PPA1: variants seen among roughly 807,000 people sequenced by gnomAD.
The protein encoded by PPA1 is inorganic pyrophosphatase 1.
Under a neutral mutation model 41.8 loss-of-function variants are expected in PPA1, and 23 were observed. That is an observed-to-expected ratio of 0.55 (90% CI 0.40 to 0.78). PPA1 has a LOEUF of 0.78. Among genes scored for constraint, PPA1 ranks in the 30% least tolerant of loss-of-function variants. The pLI, the probability that PPA1 is intolerant of heterozygous loss-of-function variation, is 0.00. For synonymous variants in PPA1, 101 were observed against 116.8 expected, an observed-to-expected ratio of 0.86 and a Z score of 0.87; for missense variants, 320 against 361.6, an observed-to-expected ratio of 0.89 and a Z score of 0.93.
intron 2 of PPA1, among the ~76,000 whole-genome samples, chr10:70,227,464 AC>A (rs1840241701): frequency 6.6e-6 from 1 of 152,190 alleles, no homozygotes; most frequent in Admixed American, 6.5e-5. Context: ...AGCCTGGGCA[AC>A]ATAGGGAAAC....
rs988873886 is a variant in PPA1, at chr10:70,233,372, C to G, written c.-45G>C. 18 of 1,526,644 alleles carry G rather than the reference C, an allele frequency of 1.2e-5. No homozygotes were observed. The highest frequency in any genetic ancestry group is 1.5e-5 in the Non-Finnish European group (17 of 1,140,386). 94.6% of individuals were successfully genotyped at this position (1,526,644 alleles called of 1,614,324 possible). ...CGCCGCTGCCACAGAGCCACCAGCC[C>G]GCACGCGGCGCCGACTGACAAGGAG... On this transcript the variant is annotated 5_prime_UTR_variant, in exon 1 of 11. Coordinates refer to ENST00000373232, the MANE Select transcript of PPA1 (RefSeq NM_021129.4).
At chr10:70,230,269 T>C (rs990600527) in intron 2 of PPA1, 72 bp downstream of exon 2, 2 of 1,525,202 alleles carry the variant, frequency 1.3e-6, no homozygotes, top group Admixed American at 1.8e-5. Context: ...TTGAGAGACA[T>C]ATAAGAAAAT....
At chr10:70,206,758 C>T (rs544841548) in intron 8 of PPA1, among the ~76,000 whole-genome samples, 88 of 150,948 alleles carry the variant, frequency 5.8e-4, no homozygotes, top group South Asian at 1.7e-3. Flanking sequence ...GCAGGAGAAT[C>T]GCTTGAATCT....
chr10:70,226,125 AAC>A (rs1424890941), intron 2 of PPA1, among the ~76,000 whole-genome samples: 1 of 152,216 alleles, frequency 6.6e-6, no homozygotes, highest in African/African-American at 2.4e-5. Flanking sequence ...AAGAAATTAA[AAC>A]ACATACACAC....
At chr10:70,221,066 ATATATATATATTTTTTT>A (rs1840158416) in intron 2 of PPA1, among the ~76,000 whole-genome samples, 1 of 15,902 alleles carries the variant, frequency 6.3e-5, no homozygotes, top group African/African-American at 4.6e-4. Flanking sequence ...ATTTATATAT[ATATATATATATTTTTTT>A]TTTTTTTTTT....
At chr10:70,216,967 G>A (rs1412640886) in intron 4 of PPA1, among the ~76,000 whole-genome samples, 1 of 152,048 alleles carries the variant, frequency 6.6e-6, no homozygotes, top group Non-Finnish European at 1.5e-5. Flanking sequence ...AGGAGATCGA[G>A]ACCATCTGGC....
rs1171316559 is a variant in PPA1, at chr10:70,214,588, TA to T, written c.298-3del. 1 of 1,608,074 alleles carries T rather than the reference TA, an allele frequency of 6.2e-7. No homozygotes were observed. The highest frequency in any genetic ancestry group is 8.5e-7 in the Non-Finnish European group (1 of 1,174,758). ...ATTGTGCCCTGGGTCTTCCCAAGTC[TA>T]AAAATATAAGACAGTGTATATCATT... On this transcript the variant is annotated splice_polypyrimidine_tract_variant and splice_region_variant and intron_variant, in intron 4 of 10. Transcript: ENST00000373232.
intron 8 of PPA1, among the ~76,000 whole-genome samples, chr10:70,208,041 T>G (rs939566920): frequency 1.3e-5 from 2 of 151,656 alleles, no homozygotes; most frequent in African/African-American, 4.8e-5. Context: ...AATACAAAAA[T>G]TAGCCGGGCG....
At chr10:70,213,341 G>C in intron 6 of PPA1, 122 bp downstream of exon 6, 1 of 1,178,258 alleles carries the variant, frequency 8.5e-7, no homozygotes, top group Middle Eastern at 3.0e-4. Flanking sequence ...CTTGTCCAGT[G>C]CTTTGTTCCT....
Position 70,209,896 on chromosome 10 carries a change from A to G in PPA1, c.512-211T>C, listed in dbSNP as rs191505695. The stretch of plus-strand genomic sequence containing the variant: ...TTGAGAAGAGAAGCCATACACATAT[A>G]CATTGAAAGAAAATCATCTAGTATC... On this transcript the variant is annotated intron_variant, in intron 6 of 10. Transcript: ENST00000373232. 1.4e-3 allele frequency: 729 copies of G among 537,882 alleles called. 7 individuals are homozygous for G. Among genetic ancestry groups the G allele is most frequent in the African/African-American group, 0.013 (681 of 52,164 alleles). The allele number at this position is 537,882 out of a possible 1,614,324, so 33.3% of individuals were successfully genotyped here.
intron 2 of PPA1, among the ~76,000 whole-genome samples, chr10:70,221,026 T>A (rs76809526): frequency 0.23 from 13,828 of 59,660 alleles, 2,295 homozygotes; most frequent in Non-Finnish European, 0.29. Context: ...TTTATATATA[T>A]AATATATATA....
chr10:70,233,389 G>A lies in PPA1; in HGVS notation c.-62C>T. ...CACCAGCCCGCACGCGGCGCCGACT[G>A]ACAAGGAGAGAGCCCCACGCCTGCG... On this transcript the variant is annotated 5_prime_UTR_variant, in exon 1 of 11. Coordinates refer to ENST00000373232, the MANE Select transcript of PPA1 (RefSeq NM_021129.4). 2 of 1,521,168 alleles carry A rather than the reference G, an allele frequency of 1.3e-6. No individual in the cohort carries two copies. The highest frequency in any genetic ancestry group is 1.8e-6 in the Non-Finnish European group (2 of 1,138,998). The allele number at this position is 1,521,168 out of a possible 1,614,324, so 94.2% of individuals were successfully genotyped here.
intron 4 of PPA1, among the ~76,000 whole-genome samples, chr10:70,216,010 C>T (rs1352909922): frequency 1.3e-5 from 2 of 151,926 alleles, no homozygotes; most frequent in African/African-American, 2.4e-5. Flanking sequence ...AACTAGAACA[C>T]GTTACTCAGA....
In PPA1 at chr10:70,209,670, T is replaced by C. The variant is rs771263634; in HGVS notation, c.527A>G (p.Lys176Arg). The change falls in exon 7 of 11, where the codon AAA (lysine) becomes AGA (arginine). Residue 176 changes from lysine to arginine, a missense_variant. Physicochemically the swap from Lys to Arg is conservative, Grantham distance 26 (BLOSUM62 2). Transcript: ENST00000373232. ...AANYNDINDV[K>R]RLKPGYLEAT... ...TTCTAAGTAGCCAGGTTTCAGCCGT[T>C]TGACATCATTGATATCTAAGAAGAG... The C allele has an allele frequency of 2.5e-6, 4 of 1,598,018 alleles. No individual in the cohort carries two copies. Among genetic ancestry groups the C allele is most frequent in the Non-Finnish European group, 3.4e-6 (4 of 1,169,430 alleles).
At chr10:70,205,411 T>A (rs1839927962) in intron 9 of PPA1, 1 of 152,106 alleles carries the variant, frequency 6.6e-6, no homozygotes, top group Non-Finnish European at 1.5e-5. Flanking sequence ...CTTGACTTTT[T>A]ATGACATGCA....
chr10:70,218,882 C>G (rs986898990), intron 2 of PPA1, 65 bp from the exon 3 acceptor site: 3 of 1,158,150 alleles, frequency 2.6e-6, no homozygotes, highest in Non-Finnish European at 3.9e-6. Context: ...GGAGCATGCA[C>G]TATTTCTTCC....
chr10:70,211,000 T>C (rs1840012300), intron 6 of PPA1, among the ~76,000 whole-genome samples: 1 of 152,168 alleles, frequency 6.6e-6, no homozygotes, highest in South Asian at 2.1e-4. Flanking sequence ...CCTGACCTCA[T>C]GATTCGCCTG....
rs1839899695 is a variant in PPA1 at position 70,203,008 on chromosome 10, T to C, written c.*147A>G. The C allele has an allele frequency of 1.3e-6, 1 of 768,408 alleles. No homozygotes were observed. The highest frequency in any genetic ancestry group is 2.2e-6 in the Non-Finnish European group (1 of 457,296). 47.6% of individuals were successfully genotyped at this position (768,408 alleles called of 1,614,324 possible). A position where few individuals can be genotyped will look rare whatever the true frequency, so the allele number is the denominator to read the frequency against. On this transcript the variant is annotated 3_prime_UTR_variant, in exon 11 of 11. Transcript: ENST00000373232. ...AAAATGCTTTAGATGGATAACATTC[T>C]GAGTATATTGGATTAGTCACAGCAG...
intron 3 of PPA1, 32 bp from the exon 4 acceptor site, chr10:70,217,963 T>G (rs1379981092): frequency 6.7e-7 from 1 of 1,501,868 alleles, no homozygotes; most frequent in Non-Finnish European, 9.0e-7. Flanking sequence ...TCTTTGCATA[T>G]TTGGATGTGA....
Sources: allele counts gnomAD v4.1 joint callset (sites outside exome capture counted in the v4.1 genomes callset), GRCh38; gene constraint gnomAD v4.1.1; transcripts MANE v1.5; gene names NCBI Gene and HGNC (gene_info 2026-07-23, HGNC 2026-07-21).